SPOCK3: variants seen among roughly 807,000 people sequenced by gnomAD.
SPOCK3 encodes testican-3.
SPOCK3 carries 30 observed loss-of-function variants against 56.6 expected under a neutral mutation model. The observed-to-expected ratio is 0.53, with a 90% CI of 0.40 to 0.72. SPOCK3 has a LOEUF of 0.72. Among genes scored for constraint, SPOCK3 ranks in the 30% least tolerant of loss-of-function variants. The pLI, the probability that SPOCK3 is intolerant of heterozygous loss-of-function variation, is 0.00. For synonymous variants in SPOCK3, 196 were observed against 183.3 expected (o/e 1.07, Z -0.56); for missense variants, 527 against 530.0 (o/e 0.99, Z 0.06).
chr4:166,944,926 G>A (rs931132992), intron 4 of SPOCK3, among the ~76,000 whole-genome samples: 5 of 152,018 alleles, frequency 3.3e-5, no homozygotes, highest in African/African-American at 1.2e-4. Flanking sequence ...TTATATTACT[G>A]ATATGATTTC....
chr4:166,948,401 G>A (rs1389768148), intron 4 of SPOCK3, among the ~76,000 whole-genome samples: 2 of 152,068 alleles, frequency 1.3e-5, no homozygotes, highest in Non-Finnish European at 1.5e-5. Flanking sequence ...GGATCATATG[G>A]TAATTCAAGT....
At chr4:166,860,802 C>CATATATATATATACATATATATAT (rs1553989683) in intron 6 of SPOCK3, among the ~76,000 whole-genome samples, 11 of 101,940 alleles carry the variant, frequency 1.1e-4, no homozygotes, top group Admixed American at 8.9e-4. Flanking sequence ...CACACAAATT[C>CATATATATATATACATATATATAT]ATATATATAT....
At chr4:167,152,188 T>C (rs1269370930) in intron 2 of SPOCK3, among the ~76,000 whole-genome samples, 1 of 152,212 alleles carries the variant, frequency 6.6e-6, no homozygotes, top group African/African-American at 2.4e-5. Flanking sequence ...CCATTAGTTA[T>C]GGGAACATCC....
chr4:166,970,671 A>G (rs1579846657), intron 4 of SPOCK3, among the ~76,000 whole-genome samples: 1 of 151,836 alleles, frequency 6.6e-6, no homozygotes, highest in Non-Finnish European at 1.5e-5. Flanking sequence ...GCTGCAGTGA[A>G]CTGAGATTGT....
chr4:167,076,955 C>T (rs776795019), intron 2 of SPOCK3, among the ~76,000 whole-genome samples: 23 of 151,878 alleles, frequency 1.5e-4, no homozygotes, highest in Middle Eastern at 3.4e-3. Flanking sequence ...GTCAAGTCTG[C>T]ACATGAGATT....
At chr4:166,935,176 G>A (rs980675832) in intron 4 of SPOCK3, among the ~76,000 whole-genome samples, 2 of 152,084 alleles carry the variant, frequency 1.3e-5, no homozygotes, top group African/African-American at 4.8e-5. Flanking sequence ...TTTCCCTTGG[G>A]GTATGCCAAG....
At chr4:167,117,451 A>G (rs1761523093) in intron 2 of SPOCK3, among the ~76,000 whole-genome samples, 1 of 152,148 alleles carries the variant, frequency 6.6e-6, no homozygotes, top group Non-Finnish European at 1.5e-5. Context: ...GAGTGCACAG[A>G]GCAGCAGAAA....
chr4:166,983,888 G>A (rs62355387), intron 4 of SPOCK3, among the ~76,000 whole-genome samples: 416 of 151,932 alleles, frequency 2.7e-3, no homozygotes, highest in Non-Finnish European at 4.1e-3. Flanking sequence ...ACAGATAGTA[G>A]GTACTTAATG....
intron 2 of SPOCK3, among the ~76,000 whole-genome samples, chr4:167,134,246 T>A (rs943725465): frequency 2.0e-5 from 3 of 151,866 alleles, no homozygotes; most frequent in Non-Finnish European, 4.4e-5. Flanking sequence ...TTGGCCAGGC[T>A]GGTCTTGAAC....
intron 3 of SPOCK3, among the ~76,000 whole-genome samples, chr4:167,003,706 C>G (rs528651202): frequency 1.3e-5 from 2 of 152,328 alleles, no homozygotes; most frequent in South Asian, 4.1e-4. Context: ...TTGCATTTGA[C>G]TTCACTTGGC....
chr4:166,780,075 T>C (rs551098715), intron 7 of SPOCK3, among the ~76,000 whole-genome samples: 13 of 152,258 alleles, frequency 8.5e-5, no homozygotes, highest in African/African-American at 3.1e-4. Context: ...AAAAAGAGTA[T>C]TGTTCACAAA....
intron 2 of SPOCK3, among the ~76,000 whole-genome samples, chr4:167,070,615 C>A (rs927856250): frequency 2.0e-5 from 3 of 151,684 alleles, no homozygotes; most frequent in Non-Finnish European, 4.4e-5. Flanking sequence ...TAAGGTATTG[C>A]TAGTTCTAAA....
intron 8 of SPOCK3, among the ~76,000 whole-genome samples, chr4:166,750,817 C>A (rs1275294165): frequency 2.6e-5 from 4 of 152,142 alleles, no homozygotes; most frequent in Non-Finnish European, 4.4e-5. Flanking sequence ...GTTTTCTATA[C>A]TTGAAAGAAG....
intron 6 of SPOCK3, among the ~76,000 whole-genome samples, chr4:166,857,813 T>C (rs997339411): frequency 6.6e-6 from 1 of 152,224 alleles, no homozygotes; most frequent in Admixed American, 6.5e-5. Flanking sequence ...AGGGATTTGT[T>C]TGTACATGGT....
intron 4 of SPOCK3, among the ~76,000 whole-genome samples, chr4:166,945,569 C>T (rs1287601066): frequency 1.3e-5 from 2 of 152,186 alleles, no homozygotes; most frequent in Non-Finnish European, 2.9e-5. Flanking sequence ...CACCCATCAA[C>T]ATATAGCCAT....
chr4:166,995,539 A>G (rs1748277016), intron 4 of SPOCK3, among the ~76,000 whole-genome samples: 1 of 151,008 alleles, frequency 6.6e-6, no homozygotes, highest in Admixed American at 6.6e-5. Context: ...CATGATTTCA[A>G]ATCTGAAATC....
At chr4:166,837,623 C>T (rs568736032) in intron 6 of SPOCK3, among the ~76,000 whole-genome samples, 44 of 152,224 alleles carry the variant, frequency 2.9e-4, no homozygotes, top group African/African-American at 1.0e-3. Context: ...GATATAACGT[C>T]GTAAATATTT....
chr4:167,035,432 A>C (rs539361752), intron 3 of SPOCK3, among the ~76,000 whole-genome samples: 6 of 152,236 alleles, frequency 3.9e-5, no homozygotes, highest in African/African-American at 1.4e-4. Context: ...AAAGTATCCT[A>C]GGGTAGGAAA....
intron 5 of SPOCK3, among the ~76,000 whole-genome samples, chr4:166,910,376 G>A (rs1228632484): frequency 6.6e-6 from 1 of 152,060 alleles, no homozygotes; most frequent in Non-Finnish European, 1.5e-5. Flanking sequence ...TTATCTATAA[G>A]ATTGGTTTTG....
Sources: allele counts gnomAD v4.1 joint callset (sites outside exome capture counted in the v4.1 genomes callset), GRCh38; gene constraint gnomAD v4.1.1; transcripts MANE v1.5; gene names NCBI Gene and HGNC (gene_info 2026-07-23, HGNC 2026-07-21).